Variants in NEK11 observed in about 807,000 individuals in gnomAD.
NEK11 encodes the protein serine/threonine-protein kinase Nek11.
A neutral mutation model predicts 80.7 loss-of-function variants in NEK11; 72 were observed. The ratio of observed to expected loss-of-function variants is 0.89; its 90% CI spans 0.74 to 1.08. The LOEUF is 1.08. Among genes scored for constraint, NEK11 ranks in the 50% least tolerant of loss-of-function variants. The probability of loss-of-function intolerance (pLI) is 0.00; values close to 1 mark genes in which losing one functional copy is unlikely to be tolerated. For synonymous variants in NEK11, 251 were observed against 260.7 expected (o/e 0.96, Z 0.36); for missense variants, 764 against 763.6 (o/e 1.00, Z -0.01).
Position 131,218,343 on chromosome 3 carries a change from C to T in NEK11, c.1400-10185C>T, listed in dbSNP as rs573460021. 7.2e-5 allele frequency among the ~76,000 whole-genome samples: 11 copies of T among 152,250 alleles called. No individual in the cohort carries two copies. In the East Asian group the frequency reaches 1.9e-3, roughly 27 times the overall value. On this transcript the variant is annotated intron_variant, in intron 14 of 17. Transcript: ENST00000383366. ...GAGCTGAGCAAGGATGTGGTCTCAG[C>T]TGGAGACTAGCCTCAGTCTGCTCAC...
intron 10 of NEK11, among the ~76,000 whole-genome samples, chr3:131,162,019 A>T (rs1446495646): frequency 2.6e-5 from 4 of 152,064 alleles, no homozygotes; most frequent in African/African-American, 4.8e-5. Context: ...AGAGCTAATG[A>T]GTGGTGGAGG....
intron 17 of NEK11, among the ~76,000 whole-genome samples, chr3:131,331,220 G>A (rs967812597): frequency 5.9e-5 from 9 of 152,292 alleles, no homozygotes; most frequent in East Asian, 1.9e-4. Flanking sequence ...ACAGCTCACC[G>A]GTAACAGAAC....
intron 17 of NEK11, among the ~76,000 whole-genome samples, chr3:131,340,246 T>C (rs1351014199): frequency 2.0e-5 from 3 of 152,230 alleles, no homozygotes; most frequent in Admixed American, 6.5e-5. Flanking sequence ...TAGCAACTTA[T>C]TCTCAAAAGA....
At chr3:131,211,120 C>T (rs952949930) in intron 14 of NEK11, among the ~76,000 whole-genome samples, 1 of 152,142 alleles carries the variant, frequency 6.6e-6, no homozygotes, top group Non-Finnish European at 1.5e-5. Context: ...ACCAGTTTTC[C>T]TTTCCATGTT....
chr3:131,314,647 A>T (rs2096818244), intron 17 of NEK11, among the ~76,000 whole-genome samples: 1 of 152,168 alleles, frequency 6.6e-6, no homozygotes, highest in African/African-American at 2.4e-5. Context: ...ATAATAGCTG[A>T]AAAACTGGCA....
At chr3:131,064,532 A>G (rs1426410746) in intron 3 of NEK11, among the ~76,000 whole-genome samples, 1 of 152,146 alleles carries the variant, frequency 6.6e-6, no homozygotes, top group Non-Finnish European at 1.5e-5. Context: ...TTATCTCCAA[A>G]TACAGTTACA....
At chr3:131,160,692 A>C (rs2091423464) in intron 10 of NEK11, among the ~76,000 whole-genome samples, 1 of 152,230 alleles carries the variant, frequency 6.6e-6, no homozygotes, top group South Asian at 2.1e-4. Context: ...CATCTCACAT[A>C]CAATGGCACA....
chr3:131,316,260 C>T (rs1350487482), intron 17 of NEK11, among the ~76,000 whole-genome samples: 1 of 152,146 alleles, frequency 6.6e-6, no homozygotes, highest in Non-Finnish European at 1.5e-5. Context: ...TTAAAATTAT[C>T]CTTAATTAGA....
chr3:131,165,149 G>A, intron 11 of NEK11: 1 of 338,498 alleles, frequency 3.0e-6, no homozygotes. Context: ...CCCTGTCATT[G>A]CACTTGGAGA....
chr3:131,067,731 T>G (rs1317093875), intron 3 of NEK11, among the ~76,000 whole-genome samples: 2 of 152,214 alleles, frequency 1.3e-5, no homozygotes, highest in East Asian at 3.8e-4. Context: ...GAAATGAGGC[T>G]GAGTATAAAT....
At chr3:131,185,093 CCATGGAATT>C (rs1262689201) in intron 14 of NEK11, among the ~76,000 whole-genome samples, 1 of 152,100 alleles carries the variant, frequency 6.6e-6, no homozygotes, top group Non-Finnish European at 1.5e-5. Flanking sequence ...GTTAGTCTCC[CCATGGAATT>C]CATGACAGCA....
At chr3:131,229,148 G>A (rs752709801) in intron 15 of NEK11, among the ~76,000 whole-genome samples, 34 of 152,040 alleles carry the variant, frequency 2.2e-4, no homozygotes, top group Non-Finnish European at 2.5e-4. Flanking sequence ...AAAGATCCTG[G>A]GCTTAGGGGA....
intron 3 of NEK11, among the ~76,000 whole-genome samples, chr3:131,050,561 G>C (rs963604423): frequency 5.3e-5 from 8 of 152,166 alleles, no homozygotes; most frequent in African/African-American, 1.9e-4. Context: ...TACACCTAGA[G>C]TATCTTCTGG....
At chr3:131,062,439 A>G (rs2220776) in intron 3 of NEK11, among the ~76,000 whole-genome samples, 2,104 of 152,284 alleles carry the variant, frequency 0.014, 44 homozygotes, top group African/African-American at 0.048. Flanking sequence ...TTGAAGAATA[A>G]TTTATAGACA....
chr3:131,239,356 G>T (rs1250838048), intron 15 of NEK11, among the ~76,000 whole-genome samples: 2 of 152,152 alleles, frequency 1.3e-5, no homozygotes, highest in Non-Finnish European at 2.9e-5. Flanking sequence ...GGCTGTGATA[G>T]AAGGTTATGC....
At chr3:131,275,979 A>C (rs1052005658) in intron 17 of NEK11, among the ~76,000 whole-genome samples, 2 of 152,162 alleles carry the variant, frequency 1.3e-5, no homozygotes, top group African/African-American at 4.8e-5. Flanking sequence ...AGATGATGAG[A>C]GCTCTAAGAT....
intron 3 of NEK11, chr3:131,053,844 A>G (rs560384639): frequency 6.6e-6 from 1 of 152,382 alleles, no homozygotes; most frequent in South Asian, 2.1e-4. Context: ...GATATGCTTT[A>G]AATATTTACA....
intron 14 of NEK11, among the ~76,000 whole-genome samples, chr3:131,211,463 G>A (rs988316139): frequency 1.3e-5 from 2 of 152,124 alleles, no homozygotes; most frequent in African/African-American, 4.8e-5. Context: ...TGCTCTTCTT[G>A]AGGAGTATCT....
chr3:131,283,531 TGTGTGTGTGTG>T (rs1270224397), intron 17 of NEK11, among the ~76,000 whole-genome samples: 1 of 151,978 alleles, frequency 6.6e-6, no homozygotes, highest in East Asian at 1.9e-4. Flanking sequence ...TGTGTGTGTG[TGTGTGTGTGTG>T]TGTGTGTATC....
Sources: gnomAD v4.1 joint callset for allele counts (sites outside exome capture counted in the v4.1 genomes callset) on GRCh38, gnomAD v4.1.1 for gene constraint, MANE v1.5 for transcripts, NCBI Gene and HGNC (gene_info 2026-07-23, HGNC 2026-07-21) for gene names.